The following SH3KBP1 variants were observed in gnomAD, a reference collection of about 807,000 sequenced individuals.
SH3KBP1 encodes SH3 domain-containing kinase-binding protein 1.
A neutral mutation model predicts 50.1 loss-of-function variants in SH3KBP1; 8 were observed. That is an observed-to-expected ratio of 0.16 (90% CI 0.09 to 0.29). The LOEUF (loss-of-function observed/expected upper bound fraction) is 0.29. SH3KBP1 is among the 10% of genes least tolerant of loss of function. The pLI, the probability that SH3KBP1 is intolerant of heterozygous loss-of-function variation, is 1.00. For synonymous variants in SH3KBP1, 227 were observed against 218.6 expected (o/e 1.04, Z -0.34); for missense variants, 377 against 535.2 (o/e 0.70, Z 2.92).
intron 5 of SH3KBP1, among the ~76,000 whole-genome samples, chrX:19,694,042 C>A (rs59949551): frequency 8.9e-6 from 1 of 112,477 alleles, no homozygotes; most frequent in African/African-American, 3.2e-5. Flanking sequence ...CTGGTTATGT[C>A]TCAACAGTTA....
intron 2 of SH3KBP1, among the ~76,000 whole-genome samples, chrX:19,786,433 G>A (rs1371886447): frequency 3.6e-5 from 4 of 111,631 alleles, no homozygotes; most frequent in Non-Finnish European, 7.5e-5. Flanking sequence ...TTCTTGTGGC[G>A]GCCAACAAAA....
intron 2 of SH3KBP1, among the ~76,000 whole-genome samples, chrX:19,832,543 G>T (rs1192479848): frequency 9.0e-6 from 1 of 111,409 alleles, no homozygotes; most frequent in Non-Finnish European, 1.9e-5. Context: ...AGGAGAGAGG[G>T]GTAAGGAGGA....
At chrX:19,551,518 TTA>T (rs2065237394) in intron 13 of SH3KBP1, among the ~76,000 whole-genome samples, 1 of 107,166 alleles carries the variant, frequency 9.3e-6, no homozygotes, top group African/African-American at 3.5e-5. Context: ...ATTATTATTA[TTA>T]TTTTCTTTCT....
At chrX:19,668,012 T>G (rs772604776) in intron 6 of SH3KBP1, among the ~76,000 whole-genome samples, 1 of 111,041 alleles carries the variant, frequency 9.0e-6, no homozygotes, top group South Asian at 3.8e-4. Flanking sequence ...GCAACTTAAA[T>G]AGTTATCCTT....
intron 6 of SH3KBP1, among the ~76,000 whole-genome samples, chrX:19,662,306 T>G (rs772402824): frequency 8.9e-6 from 1 of 112,065 alleles, no homozygotes; most frequent in African/African-American, 3.2e-5. Flanking sequence ...GTATCAAAGG[T>G]TTTCAACCTC....
chrX:19,878,509 A>T (rs61374510), intron 1 of SH3KBP1, among the ~76,000 whole-genome samples: 1,365 of 75,096 alleles, frequency 0.018, 40 homozygotes, highest in African/African-American at 0.15. Flanking sequence ...TGTGTGTGAG[A>T]GAGAGAGAGA....
chrX:19,748,680 C>T (rs1394444876), intron 2 of SH3KBP1, among the ~76,000 whole-genome samples: 1 of 111,097 alleles, frequency 9.0e-6, no homozygotes, highest in African/African-American at 3.3e-5. Flanking sequence ...AGAAACCAAT[C>T]GGACACATGG....
chrX:19,720,550 A>C (rs1418434479), intron 3 of SH3KBP1, among the ~76,000 whole-genome samples: 1 of 112,199 alleles, frequency 8.9e-6, no homozygotes, highest in Non-Finnish European at 1.9e-5. Context: ...TCAAAGGAAA[A>C]ATTGAAGGAA....
chrX:19,843,703 G>A (rs916352704), intron 1 of SH3KBP1, among the ~76,000 whole-genome samples: 3 of 111,627 alleles, frequency 2.7e-5, no homozygotes, highest in Non-Finnish European at 5.7e-5. Context: ...CCTGTGGCTG[G>A]ATGGCCTCTG....
intron 4 of SH3KBP1, among the ~76,000 whole-genome samples, chrX:19,697,321 C>G (rs1337584334): frequency 4.5e-5 from 5 of 111,898 alleles, no homozygotes; most frequent in African/African-American, 1.6e-4. Flanking sequence ...AAATTTGAGT[C>G]AAAAGTCCAG....
chrX:19,689,203 T>G (rs2063230841), intron 5 of SH3KBP1, among the ~76,000 whole-genome samples: 1 of 112,013 alleles, frequency 8.9e-6, no homozygotes, highest in African/African-American at 3.2e-5. Flanking sequence ...CTTGCTAGAT[T>G]TGAAGCTCTT....
chrX:19,740,281 C>T (rs1405059493), intron 3 of SH3KBP1, among the ~76,000 whole-genome samples: 1 of 112,007 alleles, frequency 8.9e-6, no homozygotes, highest in Non-Finnish European at 1.9e-5. Context: ...TTTAAAGGCT[C>T]TTGACTCCAG....
chrX:19,568,858 CTTT>C (rs1456111047), intron 13 of SH3KBP1, among the ~76,000 whole-genome samples: 2 of 112,788 alleles, frequency 1.8e-5, no homozygotes, highest in Non-Finnish European at 3.8e-5. Context: ...TTCATCATTT[CTTT>C]TCATTAGATC....
At chrX:19,576,341 C>A (rs988516263) in intron 12 of SH3KBP1, among the ~76,000 whole-genome samples, 1 of 110,468 alleles carries the variant, frequency 9.1e-6, no homozygotes, top group Non-Finnish European at 1.9e-5. Flanking sequence ...CAGCTCACCC[C>A]CTTTGAGAAT....
intron 2 of SH3KBP1, among the ~76,000 whole-genome samples, chrX:19,760,397 AATACATAC>A (rs545437176): frequency 0.013 from 1,231 of 96,606 alleles, 12 homozygotes; most frequent in Non-Finnish European, 0.018. Flanking sequence ...AAAATAAATA[AATACATAC>A]ATACATACAT....
chrX:19,575,736 T>C (rs1439493985), intron 12 of SH3KBP1, among the ~76,000 whole-genome samples: 1 of 112,457 alleles, frequency 8.9e-6, no homozygotes, highest in Non-Finnish European at 1.9e-5. Context: ...CATTTTACAA[T>C]GTCTATTTGG....
intron 7 of SH3KBP1, among the ~76,000 whole-genome samples, chrX:19,634,796 G>C (rs375036193): frequency 2.3e-4 from 26 of 112,051 alleles, no homozygotes; most frequent in South Asian, 1.5e-3. Context: ...AGCTAAGGAG[G>C]GGAGAGAGGA....
intron 4 of SH3KBP1, 45 bp downstream of exon 4, chrX:19,706,836 G>T: frequency 9.8e-7 from 1 of 1,017,134 alleles, no homozygotes; most frequent in South Asian, 1.9e-5. Context: ...CAGTGACTAT[G>T]ACAGCCCATT....
chrX:19,819,891 A>T lies in SH3KBP1; in HGVS notation c.162+16234T>A, dbSNP rs771832893. On this transcript the variant is annotated intron_variant, in intron 2 of 17. Coordinates refer to ENST00000397821, the MANE Select transcript of SH3KBP1 (RefSeq NM_031892.3). ...CAGTACTGCTTTAGCTGGGTCCCAC[A>T]CATTTTAATATGTTGTATGTTCATT... is the stretch of plus-strand genomic sequence containing the variant. Among the ~76,000 whole-genome samples, 5 of 111,362 alleles carry T rather than the reference A, an allele frequency of 4.5e-5. No individual in the cohort carries two copies. The South Asian group carries it at 1.5e-3, about 33-fold the overall frequency.
Sources: gnomAD v4.1 joint callset for allele counts (sites outside exome capture counted in the v4.1 genomes callset) on GRCh38, gnomAD v4.1.1 for gene constraint, MANE v1.5 for transcripts, NCBI Gene and HGNC (gene_info 2026-07-23, HGNC 2026-07-21) for gene names.